Variants in BCL2 observed in about 807,000 individuals in gnomAD.
BCL2 encodes the protein apoptosis regulator Bcl-2.
In BCL2, 1 loss-of-function variant was observed where a neutral mutation model predicts 14.2. The observed-to-expected ratio is 0.07, with a 90% CI of 0.02 to 0.33. BCL2 has a LOEUF of 0.33. Ranked by LOEUF, BCL2 falls within the 10% of genes least tolerant of loss-of-function variation. BCL2 has a pLI of 0.99. For synonymous variants in BCL2, 151 were observed against 137.2 expected (o/e 1.10, Z -0.70); for missense variants, 247 against 305.9 (o/e 0.81, Z 1.44).
chr18:63,202,799 T>G (rs1280662034), intron 2 of BCL2, among the ~76,000 whole-genome samples: 1 of 152,252 alleles, frequency 6.6e-6, no homozygotes, highest in African/African-American at 2.4e-5. Flanking sequence ...TCACTCTGTG[T>G]GTCTTGTGCA....
chr18:63,303,178 A>G (rs1713148092), intron 2 of BCL2, among the ~76,000 whole-genome samples: 1 of 152,194 alleles, frequency 6.6e-6, no homozygotes, highest in Non-Finnish European at 1.5e-5. Flanking sequence ...GGCAGGTTAC[A>G]ATTTGACAGT....
intron 2 of BCL2, among the ~76,000 whole-genome samples, chr18:63,189,521 A>G (rs190566453): frequency 2.8e-4 from 43 of 152,296 alleles, no homozygotes; most frequent in African/African-American, 9.1e-4. Context: ...AGCAAAAGTA[A>G]ACCAAACCAA....
intron 2 of BCL2, among the ~76,000 whole-genome samples, chr18:63,291,497 C>A (rs1246106250): frequency 6.6e-6 from 1 of 152,176 alleles, no homozygotes; most frequent in African/African-American, 2.4e-5. Context: ...CACTAGAAAC[C>A]AATACTCATC....
intron 2 of BCL2, among the ~76,000 whole-genome samples, chr18:63,188,382 G>C (rs1915641898): frequency 6.6e-6 from 1 of 152,184 alleles, no homozygotes. Flanking sequence ...TGGAGGTTTA[G>C]AGAAAATATA....
chr18:63,253,210 A>G (rs568912754), intron 2 of BCL2, among the ~76,000 whole-genome samples: 4 of 152,184 alleles, frequency 2.6e-5, no homozygotes, highest in Non-Finnish European at 5.9e-5. Context: ...CGTGGCACTT[A>G]GCAGATGAGC....
chr18:63,166,949 AATGAGATGTAATCCCTGCTTTATGGTCG>A (rs1915060959), intron 2 of BCL2, among the ~76,000 whole-genome samples: 1 of 152,236 alleles, frequency 6.6e-6, no homozygotes, highest in South Asian at 2.1e-4. Flanking sequence ...TACACGGCAG[AATGAGATGTAATCCCTGCTTTATGGTCG>A]CATGCTCCAG....
chr18:63,292,492 C>A (rs189120623), intron 2 of BCL2, among the ~76,000 whole-genome samples: 2 of 152,120 alleles, frequency 1.3e-5, no homozygotes, highest in Admixed American at 1.3e-4. Flanking sequence ...CTTTATACAG[C>A]GCACTCACAC....
chr18:63,133,600 T>C (rs1914130829), intron 2 of BCL2, among the ~76,000 whole-genome samples: 1 of 152,032 alleles, frequency 6.6e-6, no homozygotes, highest in Admixed American at 6.5e-5. Flanking sequence ...CTTCGAGAAA[T>C]TTCACGTAAA....
chr18:63,155,392 G>T lies in BCL2; in HGVS notation c.586-26633C>A, dbSNP rs552934510. Among the ~76,000 whole-genome samples, 3 of 152,136 alleles carry T rather than the reference G, an allele frequency of 2.0e-5. No homozygotes were observed. The East Asian group carries it at 5.8e-4, about 29-fold the overall frequency. ...ACAGTATCGGATGAGTCACGAGACA[G>T]GACGTGATTGATGTCGGGTGGGCGT... On this transcript the variant is annotated intron_variant, in intron 2 of 2. Transcript: ENST00000333681.
At chr18:63,303,252 C>T (rs1314694767) in intron 2 of BCL2, among the ~76,000 whole-genome samples, 5 of 152,240 alleles carry the variant, frequency 3.3e-5, no homozygotes, top group Admixed American at 2.6e-4. Flanking sequence ...CACTCTGACC[C>T]CTGTAAGAGC....
chr18:63,272,313 G>C (rs75180623), intron 2 of BCL2, among the ~76,000 whole-genome samples: 5 of 152,138 alleles, frequency 3.3e-5, no homozygotes, highest in African/African-American at 1.2e-4. Context: ...AGGGATCAGC[G>C]GCTAAGACAC....
intron 2 of BCL2, among the ~76,000 whole-genome samples, chr18:63,156,819 T>C (rs1031816271): frequency 2.0e-5 from 3 of 152,284 alleles, no homozygotes; most frequent in African/African-American, 7.2e-5. Context: ...CATTCCCCAA[T>C]TTCCTGGGCA....
chr18:63,264,856 T>A (rs1474301017), intron 2 of BCL2, among the ~76,000 whole-genome samples: 1 of 256 alleles, frequency 3.9e-3, no homozygotes, highest in Non-Finnish European at 7.8e-3. Flanking sequence ...GTCAAAGATA[T>A]TTACAGGGCA....
intron 2 of BCL2, among the ~76,000 whole-genome samples, chr18:63,199,936 GCACACACACACACGCA>G (rs1049966258): frequency 6.7e-6 from 1 of 149,274 alleles, no homozygotes; most frequent in African/African-American, 2.5e-5. Flanking sequence ...GCGCACACAT[GCACACACACACACGCA>G]CACACACACA....
At chr18:63,169,613 C>G (rs942109037) in intron 2 of BCL2, among the ~76,000 whole-genome samples, 3 of 151,412 alleles carry the variant, frequency 2.0e-5, no homozygotes, top group African/African-American at 7.3e-5. Context: ...ACCTCCACCT[C>G]CTGGGTTCAA....
intron 2 of BCL2, among the ~76,000 whole-genome samples, chr18:63,179,596 G>A (rs868098407): frequency 3.9e-5 from 6 of 152,150 alleles, no homozygotes; most frequent in Admixed American, 6.5e-5. Flanking sequence ...GTTGCGGTGC[G>A]GAAGGCAGGT....
At position 63,175,081 on chromosome 18, in the gene BCL2, G is replaced by GC. The variant is rs1319322889; in HGVS notation, c.586-46323dup. Among the ~76,000 whole-genome samples the GC allele has an allele frequency of 6.6e-5, 10 of 152,152 alleles. No individual in the cohort carries two copies. In the South Asian group the frequency reaches 1.9e-3, roughly 28 times the overall value. On this transcript the variant is annotated intron_variant, in intron 2 of 2. Transcript: ENST00000333681. Reference sequence around the variant, plus strand: ...CCTCAAATATTATCGTCATTCGCAAGCCCCCCACAAGCACTTCCTCAGTCA... The same window carrying GC: ...CCTCAAATATTATCGTCATTCGCAAGCCCCCCCACAAGCACTTCCTCAGTCA...
intron 2 of BCL2, among the ~76,000 whole-genome samples, chr18:63,248,705 G>A (rs543543070): frequency 3.9e-5 from 6 of 152,136 alleles, no homozygotes; most frequent in Admixed American, 2.0e-4. Context: ...TCAGTAATTC[G>A]GTGGGATATT....
At chr18:63,275,302 G>A (rs1162834328) in intron 2 of BCL2, among the ~76,000 whole-genome samples, 1 of 151,878 alleles carries the variant, frequency 6.6e-6, no homozygotes, top group Admixed American at 6.6e-5. Context: ...TGAGTTACTG[G>A]AGATCATGTT....
Sources: gnomAD v4.1 joint callset for allele counts (sites outside exome capture counted in the v4.1 genomes callset) on GRCh38, gnomAD v4.1.1 for gene constraint, MANE v1.5 for transcripts, NCBI Gene and HGNC (gene_info 2026-07-23, HGNC 2026-07-21) for gene names.